Variants in GALNT17 observed in about 807,000 individuals in gnomAD.
GALNT17 encodes polypeptide N-acetylgalactosaminyltransferase 17, also known as UDP-GalNAc:polypeptide N-acetylgalactosaminyltransferase-like 3.
In GALNT17, 29 loss-of-function variants were observed where a neutral mutation model predicts 63.7. The ratio of observed to expected loss-of-function variants is 0.46; its 90% CI spans 0.34 to 0.62. The LOEUF is 0.62. Among genes scored for constraint, GALNT17 ranks in the 20% least tolerant of loss-of-function variants. The probability of loss-of-function intolerance (pLI) is 0.01; values close to 1 mark genes in which losing one functional copy is unlikely to be tolerated. For missense variants in GALNT17, 603 were observed against 799.6 expected (o/e 0.75, Z 2.97); for synonymous variants, 305 against 318.3 (o/e 0.96, Z 0.45).
intron 6 of GALNT17, among the ~76,000 whole-genome samples, chr7:71,626,832 C>T (rs375656536): frequency 5.1e-4 from 77 of 152,322 alleles, no homozygotes; most frequent in East Asian, 5.0e-3. Flanking sequence ...GGGAGAATGA[C>T]TACAGCCTAG....
chr7:71,288,203 G>A (rs546513345), intron 1 of GALNT17, among the ~76,000 whole-genome samples: 26 of 132,182 alleles, frequency 2.0e-4, no homozygotes, highest in African/African-American at 3.0e-4. Flanking sequence ...GCGACAGAGT[G>A]GGACTCCATC....
intron 1 of GALNT17, among the ~76,000 whole-genome samples, chr7:71,253,120 A>G (rs1790229608): frequency 6.6e-6 from 1 of 152,154 alleles, no homozygotes; most frequent in African/African-American, 2.4e-5. Flanking sequence ...AAAGCCTCAA[A>G]TGAATGCAAC....
chr7:71,373,667 C>T lies in GALNT17; in HGVS notation c.423-14568C>T, dbSNP rs1162129968. ...ATAGGAGTATTGTGAATTCTGCATA[C>T]GAGGGATCTATTTCATAGGCTGCAC... is the stretch of plus-strand genomic sequence containing the variant. On this transcript the variant is annotated intron_variant, in intron 2 of 10. Coordinates refer to ENST00000333538, the MANE Select transcript of GALNT17 (RefSeq NM_022479.3). Among the ~76,000 whole-genome samples, 5 of 152,126 alleles carry T rather than the reference C, an allele frequency of 3.3e-5. No individual in the cohort carries two copies. In the East Asian group the frequency reaches 7.7e-4, roughly 23 times the overall value.
At chr7:71,221,337 G>A (rs1585891340) in intron 1 of GALNT17, among the ~76,000 whole-genome samples, 1 of 150,256 alleles carries the variant, frequency 6.7e-6, no homozygotes, top group Non-Finnish European at 1.5e-5. Flanking sequence ...TCATTGATGG[G>A]CATTTAGGTT....
chr7:71,287,145 C>T lies in GALNT17; in HGVS notation c.239-48405C>T, dbSNP rs868038423. The stretch of plus-strand genomic sequence containing the variant: ...CACTCTGTTGCTCAGGCTGGAGTGC[C>T]GTGGTGCAATCAGGCTTCACTGCAT... On this transcript the variant is annotated intron_variant, in intron 1 of 10. Coordinates refer to ENST00000333538, the MANE Select transcript of GALNT17 (RefSeq NM_022479.3). 1.1e-4 allele frequency among the ~76,000 whole-genome samples: 17 copies of T among 151,992 alleles called. No individual in the cohort carries two copies. The South Asian group carries it at 1.7e-3, about 15-fold the overall frequency.
At chr7:71,587,358 A>G (rs1317589400) in intron 6 of GALNT17, among the ~76,000 whole-genome samples, 1 of 152,138 alleles carries the variant, frequency 6.6e-6, no homozygotes, top group Non-Finnish European at 1.5e-5. Context: ...GGGGTACTTC[A>G]GTATGGTTTT....
At chr7:71,327,024 G>T (rs1791716649) in intron 1 of GALNT17, among the ~76,000 whole-genome samples, 2 of 152,284 alleles carry the variant, frequency 1.3e-5, no homozygotes, top group South Asian at 4.1e-4. Flanking sequence ...TACTCAGTTT[G>T]TAATAGATGG....
intron 2 of GALNT17, among the ~76,000 whole-genome samples, chr7:71,363,554 C>T (rs113731114): frequency 2.2e-4 from 34 of 152,332 alleles, no homozygotes; most frequent in African/African-American, 7.5e-4. Flanking sequence ...ATCTCCCCAA[C>T]TTGGAATTCT....
intron 1 of GALNT17, among the ~76,000 whole-genome samples, chr7:71,163,151 G>T (rs1788378641): frequency 6.6e-6 from 1 of 152,180 alleles, no homozygotes; most frequent in Non-Finnish European, 1.5e-5. Flanking sequence ...AGTTAAGAAT[G>T]ACTTCCAGAT....
intron 5 of GALNT17, among the ~76,000 whole-genome samples, chr7:71,464,865 A>T (rs910863934): frequency 2.7e-5 from 3 of 109,116 alleles, no homozygotes; most frequent in Non-Finnish European, 4.2e-5. Context: ...TTACAATTGC[A>T]GCTGAGTTCA....
chr7:71,683,973 C>T (rs545442521), intron 9 of GALNT17, among the ~76,000 whole-genome samples: 2 of 145,232 alleles, frequency 1.4e-5, no homozygotes, highest in South Asian at 2.2e-4. Flanking sequence ...CATGCCACTG[C>T]ACTCCAGCCT....
chr7:71,154,531 A>G (rs1788195174), intron 1 of GALNT17, among the ~76,000 whole-genome samples: 1 of 152,304 alleles, frequency 6.6e-6, no homozygotes, highest in Middle Eastern at 3.4e-3. Flanking sequence ...TGATGATGAT[A>G]GTCATGCTAA....
chr7:71,690,793 G>A (rs529110147), intron 9 of GALNT17, among the ~76,000 whole-genome samples: 241 of 152,326 alleles, frequency 1.6e-3, no homozygotes, highest in African/African-American at 5.4e-3. Flanking sequence ...GAAACAGCAA[G>A]AGAACTAGAA....
At chr7:71,263,903 G>A (rs1473515160) in intron 1 of GALNT17, among the ~76,000 whole-genome samples, 1 of 152,144 alleles carries the variant, frequency 6.6e-6, no homozygotes, top group Non-Finnish European at 1.5e-5. Flanking sequence ...CAGCCTGGGC[G>A]ATAGAGCGAC....
At chr7:71,434,990 G>C (rs1183086330) in intron 5 of GALNT17, among the ~76,000 whole-genome samples, 1 of 152,134 alleles carries the variant, frequency 6.6e-6, no homozygotes, top group Non-Finnish European at 1.5e-5. Context: ...CTTCCATTGA[G>C]GGAATTCACA....
Position 71,552,165 on chromosome 7 carries a change from C to A in GALNT17, c.963-19120C>A, listed in dbSNP as rs577173008. On this transcript the variant is annotated intron_variant, in intron 5 of 10. Coordinates refer to ENST00000333538, the MANE Select transcript of GALNT17 (RefSeq NM_022479.3). The stretch of plus-strand genomic sequence containing the variant: ...GTTCAAGCAATTCTCATGCCTCAGC[C>A]TCTTGCATAGCTGGGACTACAGGAG... Among the ~76,000 whole-genome samples, 359 of 151,994 alleles carry A rather than the reference C, an allele frequency of 2.4e-3. 6 individuals are homozygous for A. The highest frequency in any genetic ancestry group is 0.016 in the Admixed American group (251 of 15,250).
chr7:71,151,169 G>A (rs2116214640), intron 1 of GALNT17, among the ~76,000 whole-genome samples: 1 of 152,244 alleles, frequency 6.6e-6, no homozygotes, highest in Non-Finnish European at 1.5e-5. Flanking sequence ...CTACCTAAGT[G>A]ACAGGCCAGG....
intron 1 of GALNT17, among the ~76,000 whole-genome samples, chr7:71,232,793 G>T (rs936457620): frequency 9.9e-5 from 15 of 152,232 alleles, no homozygotes; most frequent in Admixed American, 2.0e-4. Flanking sequence ...ATTTCTAGAT[G>T]AGGGGTGGTA....
intron 3 of GALNT17, among the ~76,000 whole-genome samples, chr7:71,397,450 A>G (rs896825580): frequency 2.6e-5 from 4 of 152,172 alleles, no homozygotes; most frequent in African/African-American, 4.8e-5. Context: ...GATATGATAC[A>G]GTGAATGTCT....
Sources: allele counts gnomAD v4.1 joint callset (sites outside exome capture counted in the v4.1 genomes callset), GRCh38; gene constraint gnomAD v4.1.1; transcripts MANE v1.5; gene names NCBI Gene and HGNC (gene_info 2026-07-23, HGNC 2026-07-21).